The following ZEB1 variants were observed in gnomAD, a reference collection of about 807,000 sequenced individuals.
The protein encoded by ZEB1 is zinc finger E-box binding homeobox 1, also known as zinc finger E-box-binding homeobox 1.
ZEB1 carries 21 observed loss-of-function variants against 84.9 expected under a neutral mutation model. The observed-to-expected ratio is 0.25, with a 90% CI of 0.18 to 0.36. ZEB1 has a LOEUF of 0.36. Ranked by LOEUF, ZEB1 falls within the 10% of genes least tolerant of loss-of-function variation. ZEB1 has a pLI of 1.00. For missense variants in ZEB1, 1,104 were observed against 1,330.2 expected (o/e 0.83, Z 2.65); for synonymous variants, 420 against 471.1 (o/e 0.89, Z 1.41).
intron 2 of ZEB1, among the ~76,000 whole-genome samples, chr10:31,476,743 A>G (rs181581911): frequency 3.2e-4 from 48 of 152,214 alleles, no homozygotes; most frequent in African/African-American, 1.1e-3. Context: ...GGATGCAAAG[A>G]TGGTTCAACA....
chr10:31,318,552 GGGAA>G (rs2032813786), upstream of ZEB1: 1 of 153,198 alleles, frequency 6.5e-6, no homozygotes, highest in Non-Finnish European at 1.5e-5. Flanking sequence ...TGGAAGGGAA[GGGAA>G]GGGAGTCCGG....
At chr10:31,405,658 A>G (rs2052847107) in intron 1 of ZEB1, among the ~76,000 whole-genome samples, 2 of 151,632 alleles carry the variant, frequency 1.3e-5, no homozygotes, top group African/African-American at 2.4e-5. Context: ...TTTGATAGCT[A>G]TCTAATACGC....
chr10:31,467,810 T>A (rs1028230430), intron 2 of ZEB1, among the ~76,000 whole-genome samples: 1 of 151,802 alleles, frequency 6.6e-6, no homozygotes, highest in East Asian at 1.9e-4. Context: ...CCTCCCTTCA[T>A]GAGAATAGAC....
rs1039199591 is a variant in ZEB1, at chr10:31,445,147, A to G, written c.59-15890A>G. On this transcript the variant is annotated intron_variant, in intron 1 of 8. Transcript: ENST00000424869. ...GTCCTTCACGTCCCTTGTAAGTTGG[A>G]TTCCTAGGTATTTTATTCTCTTTGA... 2.2e-3 allele frequency among the ~76,000 whole-genome samples: 306 copies of G among 138,166 alleles called. 13 individuals carry two copies. The highest frequency in any genetic ancestry group is 6.7e-3 in the African/African-American group (190 of 28,534). The allele number at this position is 138,166 out of a possible 152,430, so 90.6% of individuals were successfully genotyped here. A position where few individuals can be genotyped will look rare whatever the true frequency, so the allele number is the denominator to read the frequency against.
intron 1 of ZEB1, among the ~76,000 whole-genome samples, chr10:31,356,479 AC>A (rs1373407890): frequency 2.6e-5 from 4 of 151,974 alleles, no homozygotes; most frequent in Non-Finnish European, 5.9e-5. Context: ...GAAGAATTTA[AC>A]CCTTTTGTTT....
chr10:31,446,016 G>T (rs1449912247), intron 1 of ZEB1, among the ~76,000 whole-genome samples: 1,415 of 132,208 alleles, frequency 0.011, 12 homozygotes, highest in Middle Eastern at 0.021. Flanking sequence ...TGTACCTCTG[G>T]TAGAATTCGG....
intron 1 of ZEB1, chr10:31,322,023 T>C (rs1169527728): frequency 4.8e-5 from 9 of 188,844 alleles, no homozygotes; most frequent in African/African-American, 1.9e-4. Context: ...AAACGTCTTG[T>C]CTGCAGTATG....
chr10:31,521,156 T>C lies in ZEB1; in HGVS notation c.1824T>C (p.Ser608=). 1 of 1,614,062 alleles carries C rather than the reference T, an allele frequency of 6.2e-7. No homozygotes were observed. The highest frequency in any genetic ancestry group is 8.5e-7 in the Non-Finnish European group (1 of 1,180,012). The change falls in exon 7 of 9, where the codon AGT becomes AGC. Residue 608 remains serine (S), a synonymous_variant. Coordinates refer to ENST00000424869, the MANE Select transcript of ZEB1 (RefSeq NM_001174096.2). ...KAYYALNAQP[S]AEELSKIADS... is the part of the protein sequence containing the mutation. ...ATTATGCTTTGAATGCACAACCAAGTGCAGAAGAGCTCTCAAAAATTGCTG... is the reference window on the plus strand; with the variant it reads ...ATTATGCTTTGAATGCACAACCAAGCGCAGAAGAGCTCTCAAAAATTGCTG...
intron 3 of ZEB1, among the ~76,000 whole-genome samples, chr10:31,496,718 T>G (rs920939752): frequency 6.6e-6 from 1 of 152,128 alleles, no homozygotes; most frequent in African/African-American, 2.4e-5. Flanking sequence ...TTCTTTTTCC[T>G]TCTCTTCTAT....
At chr10:31,376,170 CTG>C in intron 1 of ZEB1, among the ~76,000 whole-genome samples, 1 of 151,690 alleles carries the variant, frequency 6.6e-6, no homozygotes, top group Non-Finnish European at 1.5e-5. Context: ...TTGCATAAGA[CTG>C]ATGTGATGCC....
At chr10:31,459,830 AGTGTGTGTGTGTGTGTGTGTGT>A (rs3086581) in intron 1 of ZEB1, among the ~76,000 whole-genome samples, 36 of 129,904 alleles carry the variant, frequency 2.8e-4, no homozygotes, top group South Asian at 1.7e-3. Flanking sequence ...TGTTCTCAGG[AGTGTGTGTGTGTGTGTGTGTGT>A]GTGTGTGTGT....
intron 1 of ZEB1, among the ~76,000 whole-genome samples, chr10:31,353,358 T>G (rs2041613635): frequency 6.6e-6 from 1 of 152,254 alleles, no homozygotes; most frequent in Non-Finnish European, 1.5e-5. Context: ...TTTATAACAT[T>G]AACATAATTT....
chr10:31,510,118 A>T (rs1236202761), intron 4 of ZEB1, among the ~76,000 whole-genome samples: 2 of 152,152 alleles, frequency 1.3e-5, no homozygotes, highest in Non-Finnish European at 2.9e-5. Flanking sequence ...GTCTGAACTC[A>T]GTCCTATGGC....
At chr10:31,465,886 A>G (rs1205497245) in intron 2 of ZEB1, among the ~76,000 whole-genome samples, 1 of 152,132 alleles carries the variant, frequency 6.6e-6, no homozygotes, top group Non-Finnish European at 1.5e-5. Context: ...CCTACAGGAG[A>G]CTTATTTTAC....
chr10:31,323,517 G>A (rs1001663506), intron 1 of ZEB1, among the ~76,000 whole-genome samples: 1 of 151,874 alleles, frequency 6.6e-6, no homozygotes, highest in South Asian at 2.1e-4. Flanking sequence ...TTTTCCTACT[G>A]GTAGCCCTCC....
chr10:31,443,667 G>A (rs1327672476), intron 1 of ZEB1, among the ~76,000 whole-genome samples: 1 of 148,266 alleles, frequency 6.7e-6, no homozygotes, highest in Non-Finnish European at 1.5e-5. Context: ...GCGGTGTTTG[G>A]TTTTTTGTTC....
intron 1 of ZEB1, among the ~76,000 whole-genome samples, chr10:31,450,531 T>A (rs1341862183): frequency 6.6e-6 from 1 of 152,168 alleles, no homozygotes; most frequent in Non-Finnish European, 1.5e-5. Flanking sequence ...ATTTTGCTTC[T>A]CCTTTCTAAT....
intron 1 of ZEB1, among the ~76,000 whole-genome samples, chr10:31,320,858 A>G (rs977867042): frequency 6.6e-6 from 1 of 152,116 alleles, no homozygotes; most frequent in African/African-American, 2.4e-5. Flanking sequence ...CAGGGAGAGC[A>G]GCCCCCGCCT....
intron 2 of ZEB1, among the ~76,000 whole-genome samples, chr10:31,483,578 C>T (rs2065340530): frequency 6.6e-6 from 1 of 151,968 alleles, no homozygotes; most frequent in Non-Finnish European, 1.5e-5. Context: ...TTTTTAATTT[C>T]CCATGGCCTC....
Sources: allele counts gnomAD v4.1 joint callset (sites outside exome capture counted in the v4.1 genomes callset), GRCh38; gene constraint gnomAD v4.1.1; transcripts MANE v1.5; gene names NCBI Gene and HGNC (gene_info 2026-07-23, HGNC 2026-07-21).